ASB4: variants seen among roughly 807,000 people sequenced by gnomAD.
The protein encoded by ASB4 is ankyrin repeat and SOCS box containing 4, also known as ankyrin repeat and SOCS box protein 4.
ASB4 carries 35 observed loss-of-function variants against 38.6 expected under a neutral mutation model. The ratio of observed to expected loss-of-function variants is 0.91; its 90% CI spans 0.69 to 1.20. The LOEUF (loss-of-function observed/expected upper bound fraction) is 1.20. ASB4 is among the 50% of genes most tolerant of loss of function. The pLI, the probability that ASB4 is intolerant of heterozygous loss-of-function variation, is 0.00. For synonymous variants in ASB4, 195 were observed against 201.3 expected, an observed-to-expected ratio of 0.97 and a Z score of 0.26; for missense variants, 557 against 527.2, an observed-to-expected ratio of 1.06 and a Z score of -0.55.
At chr7:95,517,385 A>G (rs1160100412) in intron 2 of ASB4, among the ~76,000 whole-genome samples, 1 of 152,154 alleles carries the variant, frequency 6.6e-6, no homozygotes, top group African/African-American at 2.4e-5. Flanking sequence ...TATCATATAT[A>G]TGATGATAGA....
intron 2 of ASB4, among the ~76,000 whole-genome samples, chr7:95,497,766 A>T (rs12539110): frequency 0.18 from 27,913 of 152,090 alleles, 3,415 homozygotes; most frequent in East Asian, 0.37. Context: ...AATGTCATAT[A>T]CATTAAAATA....
rs1393447115 is a variant in ASB4, at chr7:95,539,558, C to A, written c.*1799C>A. On this transcript the variant is annotated 3_prime_UTR_variant, in exon 5 of 5. Transcript: ENST00000325885. Reference sequence around the variant, plus strand: ...AGTGGTATTAGAACACATCCTAAAACAGAATGAAATGATGTCTTTTGCAGC... The same window carrying A: ...AGTGGTATTAGAACACATCCTAAAAAAGAATGAAATGATGTCTTTTGCAGC... 6.4e-6 allele frequency: 1 copy of A among 155,834 alleles called. No homozygotes were observed. The allele number at this position is 155,834 out of a possible 1,614,324, so 9.7% of individuals were successfully genotyped here. A position where few individuals can be genotyped will look rare whatever the true frequency, so the allele number is the denominator to read the frequency against.
chr7:95,525,139 T>G (rs62467683), intron 2 of ASB4, among the ~76,000 whole-genome samples: 22,184 of 152,012 alleles, frequency 0.15, 1,729 homozygotes, highest in South Asian at 0.19. Context: ...GCCAAGAACT[T>G]CCAGCCATCA....
At chr7:95,515,267 C>CCCTTTCTT (rs1249430167) in intron 2 of ASB4, among the ~76,000 whole-genome samples, 7 of 72,546 alleles carry the variant, frequency 9.6e-5, no homozygotes, top group African/African-American at 3.4e-4. Context: ...TTCTTTCTTT[C>CCCTTTCTT]TCTTTCTTTC....
chr7:95,524,857 C>T (rs576903415), intron 2 of ASB4, among the ~76,000 whole-genome samples: 1 of 152,338 alleles, frequency 6.6e-6, no homozygotes, highest in African/African-American at 2.4e-5. Flanking sequence ...CTGCCGTTTG[C>T]AGTGGGGAGC....
chr7:95,518,197 C>T (rs576105342), intron 2 of ASB4, among the ~76,000 whole-genome samples: 6 of 152,356 alleles, frequency 3.9e-5, no homozygotes, highest in South Asian at 4.1e-4. Context: ...ACTCCAGGCT[C>T]ATGGAAGACC....
chr7:95,476,019 T>C (rs1789973797), upstream of ASB4, among the ~76,000 whole-genome samples: 1 of 152,246 alleles, frequency 6.6e-6, no homozygotes, highest in African/African-American at 2.4e-5. Flanking sequence ...AAATCTTTCT[T>C]GATTCCTCAA....
chr7:95,473,285 C>A, the ASB4 span, among the ~76,000 whole-genome samples: 4 of 152,210 alleles, frequency 2.6e-5, no homozygotes, highest in African/African-American at 9.6e-5. Context: ...CCTAGATACC[C>A]TTGTAAGGGC....
upstream of ASB4, among the ~76,000 whole-genome samples, chr7:95,477,578 C>T (rs1223353835): frequency 2.6e-5 from 4 of 152,174 alleles, no homozygotes; most frequent in East Asian, 5.8e-4. Flanking sequence ...AGAAAGGCAG[C>T]GTTGTGTAGT....
intron 2 of ASB4, among the ~76,000 whole-genome samples, chr7:95,518,021 G>A (rs997862449): frequency 6.6e-6 from 1 of 152,174 alleles, no homozygotes; most frequent in African/African-American, 2.4e-5. Context: ...AAAGAGGAAG[G>A]TGTTGGTCTT....
In ASB4 at chr7:95,536,700, G is replaced by A; in HGVS notation, c.1092+150G>A. 1.1e-5 allele frequency: 6 copies of A among 529,094 alleles called. No homozygotes were observed. The South Asian group carries it at 1.5e-4, about 13-fold the overall frequency. 32.8% of individuals were successfully genotyped at this position (529,094 alleles called of 1,614,324 possible). Reference sequence around the variant, plus strand: ...TGAGACAAAGGGTTATAAAATGCAGGTTTGAGAGTTAATATTTCCATCAAA... The same window carrying A: ...TGAGACAAAGGGTTATAAAATGCAGATTTGAGAGTTAATATTTCCATCAAA... On this transcript the variant is annotated intron_variant, in intron 4 of 4. Transcript: ENST00000325885.
intron 2 of ASB4, among the ~76,000 whole-genome samples, chr7:95,522,345 A>G (rs76580015): frequency 0.017 from 2,620 of 152,164 alleles, 83 homozygotes; most frequent in African/African-American, 0.059. Context: ...ACAATATAAA[A>G]CACCTCTATC....
chr7:95,549,406 C>A, the ASB4 span, among the ~76,000 whole-genome samples: 5 of 149,152 alleles, frequency 3.4e-5, 1 homozygote, highest in Middle Eastern at 3.5e-3. Context: ...ACCCCATTCT[C>A]CTGCCTCAGC....
intron 1 of ASB4, among the ~76,000 whole-genome samples, chr7:95,493,859 CT>C (rs35697414): frequency 9.2e-5 from 14 of 152,160 alleles, no homozygotes; most frequent in Admixed American, 2.0e-4. Flanking sequence ...AGAACTGCCC[CT>C]TTTTTTAATG....
chr7:95,534,242 G>A (rs1470631779), intron 3 of ASB4, among the ~76,000 whole-genome samples: 1 of 151,894 alleles, frequency 6.6e-6, no homozygotes, highest in Non-Finnish European at 1.5e-5. Context: ...TACTTGGGAG[G>A]TGAGGCAGGA....
intron 2 of ASB4, among the ~76,000 whole-genome samples, chr7:95,509,955 G>T (rs1790457788): frequency 1.3e-5 from 2 of 152,080 alleles, no homozygotes; most frequent in African/African-American, 4.8e-5. Flanking sequence ...ACTGTGTCTT[G>T]CTGGAAATTG....
intron 3 of ASB4, among the ~76,000 whole-genome samples, chr7:95,531,480 T>C (rs1227152392): frequency 6.6e-6 from 1 of 152,252 alleles, no homozygotes; most frequent in Admixed American, 6.5e-5. Flanking sequence ...TGAATAGTAA[T>C]AGCCTTCTTG....
chr7:95,484,024 A>C (rs576470693), upstream of ASB4, among the ~76,000 whole-genome samples: 6 of 112,186 alleles, frequency 5.3e-5, no homozygotes, highest in African/African-American at 2.2e-4. Context: ...AACATTAAAA[A>C]GTAAAAAAAA....
intron 2 of ASB4, among the ~76,000 whole-genome samples, chr7:95,500,970 C>T (rs552588887): frequency 1.3e-5 from 2 of 152,244 alleles, no homozygotes; most frequent in Admixed American, 6.5e-5. Flanking sequence ...TATGTGTAGC[C>T]ATCACCACTC....
Sources: allele counts gnomAD v4.1 joint callset (sites outside exome capture counted in the v4.1 genomes callset), GRCh38; gene constraint gnomAD v4.1.1; transcripts MANE v1.5; gene names NCBI Gene and HGNC (gene_info 2026-07-23, HGNC 2026-07-21).